Variants in THADA observed in about 807,000 individuals in gnomAD.
The protein encoded by THADA is tRNA (32-2'-O)-methyltransferase regulator THADA.
In THADA, 213 loss-of-function variants were observed where a neutral mutation model predicts 219.8. The ratio of observed to expected loss-of-function variants is 0.97; its 90% CI spans 0.87 to 1.09. The LOEUF is 1.09. Among genes scored for constraint, THADA ranks in the 50% least tolerant of loss-of-function variants. THADA has a pLI of 0.00. For missense variants in THADA, 2,956 were observed against 2,311.3 expected (o/e 1.28, Z -5.72); for synonymous variants, 1,018 against 828.9 (o/e 1.23, Z -3.92).
chr2:43,297,971 G>A lies in THADA; in HGVS notation c.4439-4758C>T, dbSNP rs1428732620. ...AGGTGGGGGGGTCAGCCCCCCGCCCGGCCAGCCGCCCCGTCCGGGAGGGAG... is the reference window on the plus strand; with the variant it reads ...AGGTGGGGGGGTCAGCCCCCCGCCCAGCCAGCCGCCCCGTCCGGGAGGGAG... On this transcript the variant is annotated intron_variant, in intron 31 of 37. Transcript: ENST00000405975. 6.7e-5 allele frequency among the ~76,000 whole-genome samples: 4 copies of A among 59,586 alleles called. 1 individual carries two copies. Among genetic ancestry groups the A allele is most frequent in the Admixed American group, 1.4e-4 (1 of 7,272 alleles). The allele number at this position is 59,586 out of a possible 152,430, so 39.1% of individuals were successfully genotyped here.
At chr2:43,459,959 T>C (rs1363451880) in intron 26 of THADA, among the ~76,000 whole-genome samples, 1 of 152,090 alleles carries the variant, frequency 6.6e-6, no homozygotes, top group Non-Finnish European at 1.5e-5. Flanking sequence ...CTTGGCAAAA[T>C]ATGCATCTTC....
At chr2:43,351,129 G>A (rs558566337) in intron 29 of THADA, among the ~76,000 whole-genome samples, 8 of 152,218 alleles carry the variant, frequency 5.3e-5, no homozygotes, top group Non-Finnish European at 8.8e-5. Context: ...TAACTGCCTG[G>A]TCTCTGCCTC....
At chr2:43,268,366 C>T (rs760973538) in intron 36 of THADA, among the ~76,000 whole-genome samples, 5 of 152,204 alleles carry the variant, frequency 3.3e-5, no homozygotes, top group Non-Finnish European at 7.3e-5. Context: ...AGATTCCCAA[C>T]ATGCCATTCT....
At chr2:43,593,832 A>G (rs963503763) in intron 1 of THADA, among the ~76,000 whole-genome samples, 5 of 151,944 alleles carry the variant, frequency 3.3e-5, no homozygotes, top group African/African-American at 1.2e-4. Flanking sequence ...ACGGGGTTTC[A>G]TCATGTTAGC....
intron 22 of THADA, among the ~76,000 whole-genome samples, chr2:43,521,029 GAAT>G (rs1692383770): frequency 7.5e-6 from 1 of 133,698 alleles, no homozygotes; most frequent in Non-Finnish European, 1.6e-5. Context: ...GGGAGGGAAG[GAAT>G]GAAGGGAAGG....
Position 43,549,229 on chromosome 2 carries a change from A to G in THADA, c.3087T>C (p.Asp1029=). ...AGTTACCTTTGATTTCTGTAGAAGT[A>G]TCAATATTCACCACACTAGCATTCA... ...KDLNASVVNI[D]TSTEIKGKEV... is the part of the protein sequence containing the mutation. Residue 1029 remains aspartate, a synonymous_variant, in exon 20 of 38, where the codon GAT becomes GAC. Coordinates refer to ENST00000405975, the MANE Select transcript of THADA (RefSeq NM_022065.5). The G allele has an allele frequency of 6.3e-7, 1 of 1,579,318 alleles. No individual in the cohort carries two copies. Among genetic ancestry groups the G allele is most frequent in the East Asian group, 2.2e-5 (1 of 44,622 alleles).
rs751420489 is a variant in THADA, at chr2:43,572,807, T to C, written c.1908+7A>G. ...ATGTACAAATCCAGGTAATTTTCTT[T>C]ACTTACTTGGCAATGCTGATGAATT... On this transcript the variant is annotated splice_region_variant and intron_variant, in intron 12 of 37. Transcript: ENST00000405975. The C allele has an allele frequency of 6.2e-7, 1 of 1,612,614 alleles. No individual in the cohort carries two copies. The highest frequency in any genetic ancestry group is 8.5e-7 in the Non-Finnish European group (1 of 1,179,278).
intron 29 of THADA, among the ~76,000 whole-genome samples, chr2:43,382,433 C>T (rs1672154379): frequency 6.6e-6 from 1 of 152,054 alleles, no homozygotes; most frequent in African/African-American, 2.4e-5. Context: ...AGATTGCATA[C>T]TGAAACAAAA....
intron 22 of THADA, among the ~76,000 whole-genome samples, chr2:43,520,112 G>A (rs1446759950): frequency 1.3e-5 from 2 of 152,270 alleles, no homozygotes; most frequent in East Asian, 3.9e-4. Flanking sequence ...AAAAAGAAAG[G>A]TTCTCGAGTG....
intron 28 of THADA, among the ~76,000 whole-genome samples, chr2:43,400,472 T>TATATATATATATATAA (rs1477151044): frequency 5.6e-5 from 8 of 144,104 alleles, no homozygotes; most frequent in African/African-American, 1.8e-4. Flanking sequence ...TATATATATA[T>TATATATATATATATAA]ATATAAATAT....
intron 31 of THADA, among the ~76,000 whole-genome samples, chr2:43,318,880 G>A (rs548885924): frequency 6.6e-6 from 1 of 152,178 alleles, no homozygotes; most frequent in African/African-American, 2.4e-5. Flanking sequence ...AGTTGGGGAA[G>A]AAAGAAGGTA....
At chr2:43,351,922 G>GC (rs1668313990) in intron 29 of THADA, among the ~76,000 whole-genome samples, 1 of 152,194 alleles carries the variant, frequency 6.6e-6, no homozygotes, top group Non-Finnish European at 1.5e-5. Flanking sequence ...CCCAACAAGG[G>GC]CCCCCAAGCT....
chr2:43,448,628 G>C (rs1681899298), intron 26 of THADA, among the ~76,000 whole-genome samples: 1 of 132,892 alleles, frequency 7.5e-6, no homozygotes, highest in African/African-American at 2.9e-5. Context: ...TCAGAAGACA[G>C]ATATTTAAAG....
chr2:43,562,852 G>A (rs940594006), intron 15 of THADA: 2 of 151,954 alleles, frequency 1.3e-5, no homozygotes, highest in African/African-American at 4.8e-5. Context: ...CTAACTTGTT[G>A]GTGTTACAAT....
At chr2:43,269,139 G>A (rs994348726) in intron 36 of THADA, among the ~76,000 whole-genome samples, 1 of 152,216 alleles carries the variant, frequency 6.6e-6, no homozygotes, top group African/African-American at 2.4e-5. Flanking sequence ...GGAGAAGGAA[G>A]ATCACCAGGC....
At chr2:43,298,789 A>C (rs1028385251) in intron 31 of THADA, among the ~76,000 whole-genome samples, 16 of 152,106 alleles carry the variant, frequency 1.1e-4, no homozygotes, top group Non-Finnish European at 1.2e-4. Flanking sequence ...GCACTACCCC[A>C]AAGAAGGAGG....
intron 28 of THADA, among the ~76,000 whole-genome samples, chr2:43,423,361 T>G (rs1372182075): frequency 6.6e-6 from 1 of 152,216 alleles, no homozygotes; most frequent in Non-Finnish European, 1.5e-5. Flanking sequence ...TTTCCAGCAT[T>G]TGAAGCTATG....
chr2:43,405,366 C>G (rs550161297), intron 28 of THADA, among the ~76,000 whole-genome samples: 1 of 152,308 alleles, frequency 6.6e-6, no homozygotes, highest in South Asian at 2.1e-4. Flanking sequence ...TTGGAAAAAG[C>G]AGATATTTCT....
At chr2:43,430,899 A>C (rs927498674) in intron 26 of THADA, among the ~76,000 whole-genome samples, 4 of 152,242 alleles carry the variant, frequency 2.6e-5, no homozygotes, top group Non-Finnish European at 4.4e-5. Flanking sequence ...CCCCTGATTG[A>C]GAACCACTGG....
Sources: gnomAD v4.1 joint callset for allele counts (sites outside exome capture counted in the v4.1 genomes callset) on GRCh38, gnomAD v4.1.1 for gene constraint, MANE v1.5 for transcripts, NCBI Gene and HGNC (gene_info 2026-07-23, HGNC 2026-07-21) for gene names.